The following MS4A14 variants were observed in gnomAD, a reference collection of about 807,000 sequenced individuals.
MS4A14 encodes membrane spanning 4-domains A14.
A neutral mutation model predicts 16.7 loss-of-function variants in MS4A14; 18 were observed. The observed-to-expected ratio is 1.08, with a 90% confidence interval of 0.75 to 1.60. MS4A14 has a LOEUF of 1.60. Among genes scored for constraint, MS4A14 ranks in the 40% most tolerant of loss-of-function variants. The pLI is 0.00. For missense variants in MS4A14, 812 were observed against 775.3 expected (o/e 1.05, Z -0.56); for synonymous variants, 305 against 289.4 (o/e 1.05, Z -0.55).
chr11:60,408,240 C>T (rs556256525), intron 4 of MS4A14, among the ~76,000 whole-genome samples: 7 of 152,154 alleles, frequency 4.6e-5, no homozygotes, highest in Admixed American at 1.3e-4. Flanking sequence ...CTGGCCACTA[C>T]GTCTATCCTT....
rs2085695199 is a variant in MS4A14 at position 60,400,426 on chromosome 11, C to T, written c.290C>T (p.Thr97Ile). The T allele has an allele frequency of 1.2e-6, 2 of 1,606,206 alleles. No individual in the cohort carries two copies. The highest frequency in any genetic ancestry group is 2.7e-5 in the African/African-American group (2 of 74,752). ...ALIFILTGYLTVTDKKSKLLG... is the reference protein window; with the variant it reads ...ALIFILTGYLIVTDKKSKLLG... Reference sequence around the variant, plus strand: ...CAGTTTATTCTTACAGGATACCTCACAGTAACCGATAAGAAATCAAAACTT... The same window carrying T: ...CAGTTTATTCTTACAGGATACCTCATAGTAACCGATAAGAAATCAAAACTT... Residue 97 changes from threonine to isoleucine, a missense_variant, in exon 3 of 5, where the codon ACA becomes ATA. Thr to Ile is a moderately conservative substitution (Grantham distance 89). Transcript: ENST00000300187.
At position 60,416,188 on chromosome 11, in the gene MS4A14, C is replaced by G; in HGVS notation, c.1220C>G (p.Ser407Cys). 6.2e-7 allele frequency: 1 copy of G among 1,613,786 alleles called. No homozygotes were observed. Among genetic ancestry groups the G allele is most frequent in the Non-Finnish European group, 8.5e-7 (1 of 1,179,908 alleles). Reference protein sequence around the residue: ...PQDIPSQDMLSQALSAHAILP... With the variant: ...PQDIPSQDMLCQALSAHAILP... ...GACATACCTTCCCAAGATATGCTAT[C>G]CCAAGCTCTATCAGCGCATGCCATA... is the stretch of plus-strand genomic sequence containing the variant. The change falls in exon 5 of 5, where the codon TCC (serine) becomes TGC (cysteine). Residue 407 changes from serine (S) to cysteine (C), a missense_variant. Physicochemically the swap from Ser to Cys is moderately radical, Grantham distance 112 (BLOSUM62 -1). Transcript: ENST00000300187.
At chr11:60,398,082 G>T in intron 2 of MS4A14, 102 bp downstream of exon 2, 3 of 1,333,068 alleles carry the variant, frequency 2.3e-6, no homozygotes, top group Non-Finnish European at 1.0e-6. Flanking sequence ...GGCCCTCCAG[G>T]AGACCAAAAA....
chr11:60,402,888 T>C, intron 3 of MS4A14, 24 bp from the exon 4 acceptor site: 3 of 1,599,166 alleles, frequency 1.9e-6, no homozygotes, highest in Non-Finnish European at 2.6e-6. Context: ...TTATTTATTT[T>C]ATCATTTTTA....
At chr11:60,400,136 A>T (rs1180026374) in intron 2 of MS4A14, among the ~76,000 whole-genome samples, 1 of 152,082 alleles carries the variant, frequency 6.6e-6, no homozygotes, top group Non-Finnish European at 1.5e-5. Context: ...CCCCAGCCGG[A>T]TCAAACATCT....
intron 3 of MS4A14, among the ~76,000 whole-genome samples, chr11:60,401,592 A>G (rs550497938): frequency 5.3e-5 from 8 of 152,346 alleles, no homozygotes; most frequent in African/African-American, 1.9e-4. Flanking sequence ...GATTGCTCAC[A>G]GTCACTTACT....
At chr11:60,410,297 T>C (rs1044258939) in intron 4 of MS4A14, among the ~76,000 whole-genome samples, 1 of 152,214 alleles carries the variant, frequency 6.6e-6, no homozygotes, top group African/African-American at 2.4e-5. Flanking sequence ...TGTTTCTTAA[T>C]TGGGCTGTTT....
intron 1 of MS4A14, 76 bp downstream of exon 1, chr11:60,396,792 T>C (rs1028050193): frequency 1.4e-6 from 2 of 1,413,702 alleles, no homozygotes; most frequent in African/African-American, 1.4e-5. Context: ...TCTGCAGAGA[T>C]ATGCAGAGAT....
chr11:60,399,324 G>A (rs1023994409), intron 2 of MS4A14, among the ~76,000 whole-genome samples: 2 of 152,188 alleles, frequency 1.3e-5, no homozygotes, highest in Admixed American at 1.3e-4. Flanking sequence ...TAGGCGAAGT[G>A]GAAGGAAAGC....
rs771120805 is a variant in MS4A14 at position 60,416,639 on chromosome 11, T to A, written c.1671T>A (p.Thr557=). 6.2e-7 allele frequency: 1 copy of A among 1,613,526 alleles called. No homozygotes were observed. The highest frequency in any genetic ancestry group is 8.5e-7 in the Non-Finnish European group (1 of 1,179,866). Residue 557 remains threonine, a synonymous_variant, in exon 5 of 5, where the codon ACT becomes ACA. Transcript: ENST00000300187. ...ATAAGCAAGCTCAACTTAATCAAAC[T>A]AAAGAGCAACTCCCAGATCAGCAAG... ...SVDKQAQLNQ[T]KEQLPDQQAE...
Position 60,416,721 on chromosome 11 carries a change from C to T in MS4A14, c.1753C>T (p.Gln585Ter). Residue 585 changes from glutamine (Q) to a stop codon, truncating the protein, a stop_gained, in exon 5 of 5, where the codon CAA (glutamine) becomes TAA (stop). Transcript: ENST00000300187. LOFTEE classifies it low-confidence loss of function (END_TRUNC). Reference protein sequence around the residue: ...QYPEGQSKDGQVKDQQTDKEQ... With the variant: ...QYPEGQSKDG The stretch of plus-strand genomic sequence containing the variant: ...CCCAGAAGGACAATCTAAAGATGGA[C>T]AAGTTAAAGACCAGCAGACTGATAA... 6.2e-7 allele frequency: 1 copy of T among 1,613,614 alleles called. No individual in the cohort carries two copies.
chr11:60,405,851 C>T, intron 4 of MS4A14: 1 of 1,389,808 alleles, frequency 7.2e-7, no homozygotes, highest in Non-Finnish European at 9.9e-7. Flanking sequence ...TAACAGCTCT[C>T]ATTTCAAATA....
intron 4 of MS4A14, among the ~76,000 whole-genome samples, chr11:60,407,006 CTTTTTTTTTTTTT>C (rs71036579): frequency 1.7e-3 from 124 of 74,646 alleles, no homozygotes; most frequent in African/African-American, 6.4e-3. Flanking sequence ...ATCAATTTAC[CTTTTTTTTTTTTT>C]TTTTTTTTTT....
intron 3 of MS4A14, 59 bp downstream of exon 3, chr11:60,400,513 T>C (rs2085697300): frequency 8.2e-7 from 1 of 1,224,792 alleles, no homozygotes; most frequent in South Asian, 1.3e-5. Flanking sequence ...ATCATCTTTA[T>C]GTATGAAGCC....
intron 4 of MS4A14, among the ~76,000 whole-genome samples, chr11:60,413,386 T>C (rs1465440047): frequency 6.6e-6 from 1 of 152,034 alleles, no homozygotes; most frequent in Non-Finnish European, 1.5e-5. Flanking sequence ...TAGCAATCTT[T>C]CCTTGTTCTT....
intron 1 of MS4A14, 105 bp from the exon 2 acceptor site, chr11:60,397,747 G>A (rs1341011937): frequency 9.6e-7 from 1 of 1,046,352 alleles, no homozygotes; most frequent in Non-Finnish European, 1.4e-6. Context: ...GAAGGCATTT[G>A]GATGGAGGGA....
chr11:60,416,604 C>T lies in MS4A14; in HGVS notation c.1636C>T (p.His546Tyr). 3.7e-6 allele frequency: 6 copies of T among 1,613,870 alleles called. No individual in the cohort carries two copies. Among genetic ancestry groups the T allele is most frequent in the Non-Finnish European group, 4.2e-6 (5 of 1,179,918 alleles). ...QIKDWLSPKR[H>Y]SVDKQAQLNQ... Reference sequence around the variant, plus strand: ...CAAAGACTGGCTATCCCCAAAGAGGCACTCCGTAGATAAGCAAGCTCAACT... The same window carrying T: ...CAAAGACTGGCTATCCCCAAAGAGGTACTCCGTAGATAAGCAAGCTCAACT... The change falls in exon 5 of 5, where the codon CAC (histidine) becomes TAC (tyrosine). Residue 546 changes from histidine (H) to tyrosine (Y), a missense_variant. Coordinates refer to ENST00000300187, the MANE Select transcript of MS4A14 (RefSeq NM_032597.5).
intron 4 of MS4A14, among the ~76,000 whole-genome samples, chr11:60,405,259 A>AG (rs2085770522): frequency 6.6e-6 from 1 of 152,008 alleles, no homozygotes; most frequent in South Asian, 2.1e-4. Flanking sequence ...TTGTATTTTT[A>AG]GTAGAGACGG....
intron 2 of MS4A14, among the ~76,000 whole-genome samples, chr11:60,399,318 C>T (rs888312145): frequency 1.3e-5 from 2 of 152,084 alleles, no homozygotes; most frequent in African/African-American, 2.4e-5. Flanking sequence ...GCTCACTAGG[C>T]GAAGTGGAAG....
Sources: gnomAD v4.1 joint callset for allele counts (sites outside exome capture counted in the v4.1 genomes callset) on GRCh38, gnomAD v4.1.1 for gene constraint, MANE v1.5 for transcripts, NCBI Gene and HGNC (gene_info 2026-07-23, HGNC 2026-07-21) for gene names.